Variants in BNC2 observed in about 807,000 individuals in gnomAD.
The protein encoded by BNC2 is zinc finger protein basonuclin-2.
In BNC2, 20 loss-of-function variants were observed where a neutral mutation model predicts 76.3. The ratio of observed to expected loss-of-function variants is 0.26; its 90% CI spans 0.18 to 0.38. BNC2 has a LOEUF of 0.38. Among genes scored for constraint, BNC2 ranks in the 10% least tolerant of loss-of-function variants. The pLI, the probability that BNC2 is intolerant of heterozygous loss-of-function variation, is 1.00. For synonymous variants in BNC2, 582 were observed against 514.8 expected, an observed-to-expected ratio of 1.13 and a Z score of -1.77; for missense variants, 1,382 against 1,399.8, an observed-to-expected ratio of 0.99 and a Z score of 0.20.
chr9:16,748,355 A>T (rs968947005), intron 1 of BNC2, among the ~76,000 whole-genome samples: 5 of 152,086 alleles, frequency 3.3e-5, no homozygotes, highest in African/African-American at 1.2e-4. Flanking sequence ...TCTACAAAAA[A>T]TACAAAAATT....
At chr9:16,560,810 C>T (rs1818988593) in intron 4 of BNC2, among the ~76,000 whole-genome samples, 1 of 152,200 alleles carries the variant, frequency 6.6e-6, no homozygotes. Flanking sequence ...TTAATTAAAG[C>T]AATAGTTGTC....
At chr9:16,758,621 G>A (rs867581594) in intron 1 of BNC2, among the ~76,000 whole-genome samples, 7 of 152,066 alleles carry the variant, frequency 4.6e-5, no homozygotes, top group African/African-American at 1.4e-4. Flanking sequence ...GAGCCACAGC[G>A]CCCAGCCCAA....
intron 1 of BNC2, among the ~76,000 whole-genome samples, chr9:16,803,428 A>G (rs921629283): frequency 1.3e-5 from 2 of 152,248 alleles, no homozygotes; most frequent in Non-Finnish European, 1.5e-5. Flanking sequence ...GGGCTGGATT[A>G]TCCAGCACAT....
intron 1 of BNC2, among the ~76,000 whole-genome samples, chr9:16,828,447 T>TAC (rs745893237): frequency 3.7e-4 from 56 of 152,318 alleles, no homozygotes; most frequent in Non-Finnish European, 5.4e-4. Flanking sequence ...CTCTTTAAGT[T>TAC]ACAGGACCTG....
intron 1 of BNC2, among the ~76,000 whole-genome samples, chr9:16,755,785 A>T (rs1825367960): frequency 6.6e-6 from 1 of 152,278 alleles, no homozygotes; most frequent in South Asian, 2.1e-4. Flanking sequence ...TACCTCAGTA[A>T]ATGGCACCAT....
intron 5 of BNC2, among the ~76,000 whole-genome samples, chr9:16,446,280 A>G (rs1278084641): frequency 6.6e-6 from 1 of 152,150 alleles, no homozygotes; most frequent in Non-Finnish European, 1.5e-5. Context: ...GAGGTGAGGT[A>G]TATCAAACTA....
At chr9:16,607,118 TA>T (rs55995789) in intron 3 of BNC2, among the ~76,000 whole-genome samples, 26,188 of 146,036 alleles carry the variant, frequency 0.18, 4,087 homozygotes, top group African/African-American at 0.42. Context: ...TGGCTGACTT[TA>T]AAAAAAAAAA....
intron 3 of BNC2, among the ~76,000 whole-genome samples, chr9:16,664,213 T>C (rs191773298): frequency 1.3e-5 from 2 of 152,292 alleles, no homozygotes; most frequent in African/African-American, 4.8e-5. Flanking sequence ...TGCTCCACGT[T>C]ATTGATTTCC....
intron 5 of BNC2, among the ~76,000 whole-genome samples, chr9:16,485,712 C>T (rs1415705049): frequency 1.3e-5 from 2 of 152,102 alleles, no homozygotes; most frequent in Admixed American, 6.5e-5. Context: ...GTTCCAGCTG[C>T]GTGGGAGGAC....
At chr9:16,785,876 C>T (rs1341441380) in intron 1 of BNC2, among the ~76,000 whole-genome samples, 1 of 151,226 alleles carries the variant, frequency 6.6e-6, no homozygotes, top group Non-Finnish European at 1.5e-5. Flanking sequence ...GCAATGTGAA[C>T]ACATTGCTGG....
Position 16,436,394 on chromosome 9 carries a change from G to C in BNC2, c.1800C>G (p.Thr600=). Residue 600 remains threonine, a synonymous_variant, in exon 6 of 7, where the codon ACC becomes ACG. Transcript: ENST00000380672. ...PTSPIIPTSG[T]IEQHPPPPSE... is the part of the protein sequence containing the mutation. ...AGGGTGGCGGGGGGTGCTGCTCTAT[G>C]GTACCACTGGTTGGAATGATGGGAC... 1 of 1,614,090 alleles carries C rather than the reference G, an allele frequency of 6.2e-7. No homozygotes were observed. The highest frequency in any genetic ancestry group is 1.1e-5 in the South Asian group (1 of 91,058).
At chr9:16,471,521 T>C (rs546078415) in intron 5 of BNC2, among the ~76,000 whole-genome samples, 2 of 152,264 alleles carry the variant, frequency 1.3e-5, no homozygotes, top group African/African-American at 4.8e-5. Flanking sequence ...CTCAAACTCC[T>C]GACCTCGTGA....
At chr9:16,846,437 T>C (rs776249559) in intron 1 of BNC2, among the ~76,000 whole-genome samples, 12 of 152,216 alleles carry the variant, frequency 7.9e-5, no homozygotes, top group Non-Finnish European at 1.6e-4. Context: ...TGGTATATTC[T>C]TTCCCAAGTT....
chr9:16,723,393 T>C (rs1398740096), intron 3 of BNC2, among the ~76,000 whole-genome samples: 1 of 151,994 alleles, frequency 6.6e-6, no homozygotes, highest in Non-Finnish European at 1.5e-5. Context: ...ATGCGTTGTA[T>C]GAACTATAAA....
At chr9:16,694,212 T>A (rs4961736) in intron 3 of BNC2, among the ~76,000 whole-genome samples, 3 of 151,974 alleles carry the variant, frequency 2.0e-5, no homozygotes, top group South Asian at 2.1e-4. Flanking sequence ...ATTGAAAAAC[T>A]TATGTGAAAA....
At chr9:16,798,906 C>T (rs1817718872) in intron 1 of BNC2, among the ~76,000 whole-genome samples, 2 of 152,118 alleles carry the variant, frequency 1.3e-5, no homozygotes, top group South Asian at 2.1e-4. Context: ...CAATTGCTGA[C>T]TTTGGTCACC....
chr9:16,530,636 A>G (rs1817947199), intron 5 of BNC2, among the ~76,000 whole-genome samples: 1 of 152,252 alleles, frequency 6.6e-6, no homozygotes, highest in African/African-American at 2.4e-5. Context: ...AAATATCTGC[A>G]TTAACTTTTT....
rs759135302 is a variant in BNC2, at chr9:16,418,984, T to C, written c.*5A>G. On this transcript the variant is annotated 3_prime_UTR_variant, in exon 7 of 7. Coordinates refer to ENST00000380672, the MANE Select transcript of BNC2 (RefSeq NM_017637.6). ...GAGCTGGCATTTGTAGTGTCCATTC[T>C]GAGACTAATCTACTGAAGTGAAGGG... 6.2e-7 allele frequency: 1 copy of C among 1,613,834 alleles called. No individual in the cohort carries two copies. The highest frequency in any genetic ancestry group is 1.1e-5 in the South Asian group (1 of 91,074).
At chr9:16,864,942 G>C (rs907746491) in intron 1 of BNC2, among the ~76,000 whole-genome samples, 5 of 150,358 alleles carry the variant, frequency 3.3e-5, no homozygotes, top group South Asian at 2.1e-4. Flanking sequence ...GGCTCAAGCA[G>C]AGAAAGGACA....
Sources: gnomAD v4.1 joint callset for allele counts (sites outside exome capture counted in the v4.1 genomes callset) on GRCh38, gnomAD v4.1.1 for gene constraint, MANE v1.5 for transcripts, NCBI Gene and HGNC (gene_info 2026-07-23, HGNC 2026-07-21) for gene names.